The following MPDZ variants were observed in gnomAD, a reference collection of about 807,000 sequenced individuals.
MPDZ encodes the protein multiple PDZ domain crumbs cell polarity complex component, also known as multiple PDZ domain protein.
A neutral mutation model predicts 239.1 loss-of-function variants in MPDZ; 234 were observed. The observed-to-expected ratio is 0.98, with a 90% CI of 0.88 to 1.09. MPDZ has a LOEUF of 1.09. MPDZ is among the 50% of genes least tolerant of loss of function. The probability of loss-of-function intolerance (pLI) is 0.00; values close to 1 mark genes in which losing one functional copy is unlikely to be tolerated. For synonymous variants in MPDZ, 1,048 were observed against 881.3 expected, an observed-to-expected ratio of 1.19 and a Z score of -3.35; for missense variants, 3,175 against 2,510.0, an observed-to-expected ratio of 1.26 and a Z score of -5.66.
At chr9:13,235,269 C>A (rs1963641547) in intron 3 of MPDZ, among the ~76,000 whole-genome samples, 4 of 152,104 alleles carry the variant, frequency 2.6e-5, no homozygotes, top group Admixed American at 2.6e-4. Flanking sequence ...CTCCTAGCTC[C>A]TGAACTAAAT....
chr9:13,197,191 C>T (rs957367591), intron 12 of MPDZ, among the ~76,000 whole-genome samples: 3 of 151,492 alleles, frequency 2.0e-5, no homozygotes, highest in Non-Finnish European at 2.9e-5. Flanking sequence ...AGTTTGAAGA[C>T]TAGCCTCCCC....
chr9:13,221,250 T>A, intron 7 of MPDZ, 122 bp downstream of exon 7: 5 of 1,101,418 alleles, frequency 4.5e-6, no homozygotes, highest in Non-Finnish European at 6.2e-6. Flanking sequence ...AAACGAAAGA[T>A]TCTAACTCAA....
chr9:13,255,852 G>A (rs182463988), intron 1 of MPDZ, among the ~76,000 whole-genome samples: 2 of 152,136 alleles, frequency 1.3e-5, no homozygotes, highest in African/African-American at 2.4e-5. Flanking sequence ...AATAAGCACT[G>A]GCTTCAATTT....
At chr9:13,147,739 A>G in intron 25 of MPDZ, 81 bp from the exon 26 acceptor site, 1 of 939,254 alleles carries the variant, frequency 1.1e-6, no homozygotes, top group Middle Eastern at 2.2e-4. Context: ...TTTTAGGGAT[A>G]CTTGGTTAGA....
intron 1 of MPDZ, among the ~76,000 whole-genome samples, chr9:13,269,124 A>C (rs1972428815): frequency 6.6e-6 from 1 of 152,198 alleles, no homozygotes; most frequent in African/African-American, 2.4e-5. Context: ...CTCAGTGACC[A>C]GTTGGTAACT....
At chr9:13,246,515 C>T (rs1438137059) in intron 3 of MPDZ, among the ~76,000 whole-genome samples, 1 of 152,182 alleles carries the variant, frequency 6.6e-6, no homozygotes, top group African/African-American at 2.4e-5. Context: ...CATATAACAA[C>T]AACACCTTAA....
intron 3 of MPDZ, among the ~76,000 whole-genome samples, chr9:13,234,648 T>G (rs1354608168): frequency 6.6e-6 from 1 of 152,144 alleles, no homozygotes; most frequent in African/African-American, 2.4e-5. Flanking sequence ...AAAAAATGAC[T>G]ACTGCTTTTG....
chr9:13,166,584 T>G (rs1951104611), intron 22 of MPDZ, among the ~76,000 whole-genome samples: 2 of 152,118 alleles, frequency 1.3e-5, no homozygotes, highest in African/African-American at 4.8e-5. Flanking sequence ...AATGAATGGA[T>G]GACTGATTTC....
intron 26 of MPDZ, among the ~76,000 whole-genome samples, chr9:13,145,338 G>A (rs904767429): frequency 6.6e-6 from 1 of 151,998 alleles, no homozygotes; most frequent in Admixed American, 6.6e-5. Context: ...CCCTTTCAGT[G>A]AGAAAATGTG....
chr9:13,147,715 G>T, intron 25 of MPDZ, 57 bp from the exon 26 acceptor site: 1 of 1,349,502 alleles, frequency 7.4e-7, no homozygotes, highest in Non-Finnish European at 1.0e-6. Context: ...ACAAAAAAAT[G>T]TGTGGATATG....
intron 1 of MPDZ, among the ~76,000 whole-genome samples, chr9:13,259,044 T>G (rs1264914216): frequency 6.6e-6 from 1 of 151,096 alleles, no homozygotes; most frequent in Non-Finnish European, 1.5e-5. Context: ...CAATCCAATT[T>G]TATCTGAAAT....
chr9:13,221,649 G>A (rs555543527), intron 6 of MPDZ, 149 bp from the exon 7 acceptor site: 2 of 742,830 alleles, frequency 2.7e-6, no homozygotes, highest in South Asian at 6.0e-5. Context: ...CTTTCATTTG[G>A]TATACTTCCC....
At chr9:13,198,033 A>T (rs868577455) in intron 12 of MPDZ, among the ~76,000 whole-genome samples, 8 of 152,218 alleles carry the variant, frequency 5.3e-5, no homozygotes, top group African/African-American at 1.9e-4. Context: ...TCTTAGCCAT[A>T]GTGAACAGAA....
chr9:13,194,253 G>A (rs1056234608), intron 13 of MPDZ, among the ~76,000 whole-genome samples: 2 of 151,588 alleles, frequency 1.3e-5, no homozygotes, highest in Non-Finnish European at 2.9e-5. Flanking sequence ...GTATACTTCC[G>A]CACTTGACAG....
At chr9:13,175,454 G>A (rs772593132) in intron 21 of MPDZ, among the ~76,000 whole-genome samples, 1 of 152,066 alleles carries the variant, frequency 6.6e-6, no homozygotes, top group Non-Finnish European at 1.5e-5. Flanking sequence ...CATTTTCTAA[G>A]AATTCCTTTT....
At chr9:13,217,457 C>G (rs961245999) in intron 8 of MPDZ, among the ~76,000 whole-genome samples, 163 bp from the exon 9 acceptor site, 2 of 151,844 alleles carry the variant, frequency 1.3e-5, no homozygotes, top group Non-Finnish European at 2.9e-5. Flanking sequence ...ATCCTGAAAA[C>G]AGGGATAGGC....
chr9:13,126,527 G>A lies in MPDZ; in HGVS notation c.4621C>T (p.Pro1541Ser), dbSNP rs755439864. 2.6e-6 allele frequency: 4 copies of A among 1,564,164 alleles called. No homozygotes were observed. The highest frequency in any genetic ancestry group is 1.2e-5 in the South Asian group (1 of 85,374). Reference protein sequence around the residue: ...AVDDEIVVGYPIEKFISLLKT... With the variant: ...AVDDEIVVGYSIEKFISLLKT... ...TTTTGGAAAATTACCTTTTCAATAGGGTAACCAACAACAATTTCATCATCT... is the reference window on the plus strand; with the variant it reads ...TTTTGGAAAATTACCTTTTCAATAGAGTAACCAACAACAATTTCATCATCT... The change falls in exon 34 of 47, where the codon CCT (proline) becomes TCT (serine). Residue 1541 changes from proline to serine, a missense_variant. By Grantham distance (74) the Pro-to-Ser change is moderately conservative. Coordinates refer to ENST00000319217, the MANE Select transcript of MPDZ (RefSeq NM_001378778.1).
chr9:13,147,632 T>G lies in MPDZ; in HGVS notation c.3657A>C (p.Ala1219=). The change falls in exon 26 of 47, where the codon GCA becomes GCC. Residue 1219 remains alanine, a synonymous_variant. Transcript: ENST00000319217. ...VEVDGMDLRD[A]SHEQAVEAIR... ...TGGCTTCCACAGCTTGTTCATGGCT[T>G]GCATCTCTGAGGTCCATTCCATCCA... The G allele has an allele frequency of 4.3e-6, 7 of 1,612,230 alleles. No homozygotes were observed. The highest frequency in any genetic ancestry group is 4.0e-5 in the African/African-American group (3 of 74,922).
intron 32 of MPDZ, among the ~76,000 whole-genome samples, chr9:13,130,069 C>G (rs1945731959): frequency 6.6e-6 from 1 of 152,178 alleles, no homozygotes; most frequent in African/African-American, 2.4e-5. Flanking sequence ...ACAGCTTTGA[C>G]AATCACAGAA....
Sources: gnomAD v4.1 joint callset for allele counts (sites outside exome capture counted in the v4.1 genomes callset) on GRCh38, gnomAD v4.1.1 for gene constraint, MANE v1.5 for transcripts, NCBI Gene and HGNC (gene_info 2026-07-23, HGNC 2026-07-21) for gene names.